Variants in KLKB1 observed in about 807,000 individuals in gnomAD.
The protein encoded by KLKB1 is kallikrein B1.
Under a neutral mutation model 73.6 loss-of-function variants are expected in KLKB1, and 58 were observed. That is an observed-to-expected ratio of 0.79 (90% CI 0.64 to 0.98). The LOEUF (loss-of-function observed/expected upper bound fraction) is 0.98. Ranked by LOEUF, KLKB1 falls within the 50% of genes least tolerant of loss-of-function variation. The pLI, the probability that KLKB1 is intolerant of heterozygous loss-of-function variation, is 0.00. For missense variants in KLKB1, 737 were observed against 763.8 expected (o/e 0.96, Z 0.41); for synonymous variants, 280 against 258.1 (o/e 1.08, Z -0.81).
At chr4:186,212,930 G>A (rs72647304) in intron 2 of KLKB1, 1 of 152,144 alleles carries the variant, frequency 6.6e-6, no homozygotes, top group Non-Finnish European at 1.5e-5. Context: ...CCATCAAATG[G>A]TTAATCTTAT....
In KLKB1 at chr4:186,218,651, T is replaced by TGTGCGC. The variant is rs1290427812; in HGVS notation, c.201+9380_201+9381insTGCGCG. 2.9e-4 allele frequency among the ~76,000 whole-genome samples: 43 copies of TGTGCGC among 150,854 alleles called. 1 individual carries two copies. Among genetic ancestry groups the TGTGCGC allele is most frequent in the South Asian group, 1.7e-3 (8 of 4,740 alleles). On this transcript the variant is annotated intron_variant, in intron 2 of 14. Coordinates refer to the KLKB1 transcript ENST00000511608. ...CATAGTGTGTGTGTGTGTGTGTGTG[T>TGTGCGC]GCGCATGTGTGTGTGCTGAGAACCC...
upstream of KLKB1, among the ~76,000 whole-genome samples, chr4:186,221,473 T>G (rs1737031355): frequency 6.6e-6 from 1 of 152,162 alleles, no homozygotes; most frequent in African/African-American, 2.4e-5. Flanking sequence ...TCCCATAAAT[T>G]TTCAATGCCA....
intron 6 of KLKB1, among the ~76,000 whole-genome samples, chr4:186,245,985 C>T (rs1738324759): frequency 6.6e-6 from 1 of 151,566 alleles, no homozygotes; most frequent in Non-Finnish European, 1.5e-5. Flanking sequence ...GAAAAAGAGC[C>T]TAAACGCTAA....
rs1207954946 is a variant in KLKB1 at position 186,238,365 on chromosome 4, G to T, written c.598G>T (p.Gly200Cys). ...SLKPCALSEI[G>C]CHMNIFQHLA... The stretch of plus-strand genomic sequence containing the variant: ...GAAGCCCTGTGCCCTTTCAGAAATT[G>T]GTAATTGTAGGACTACTTCACTTTG... The change falls in exon 6 of 15, where the codon GGT (glycine) becomes TGT (cysteine). Residue 200 changes from glycine to cysteine, a missense_variant and splice_region_variant. Gly to Cys is a radical substitution (Grantham distance 159, BLOSUM62 -3). Coordinates refer to ENST00000264690, the MANE Select transcript of KLKB1 (RefSeq NM_000892.5). 2.5e-6 allele frequency: 4 copies of T among 1,590,114 alleles called. No homozygotes were observed. In the South Asian group the frequency reaches 4.4e-5, roughly 18 times the overall value.
At chr4:186,235,173 G>T (rs796497944) in intron 4 of KLKB1, among the ~76,000 whole-genome samples, 4 of 152,252 alleles carry the variant, frequency 2.6e-5, no homozygotes, top group African/African-American at 9.6e-5. Flanking sequence ...TATTTTAAAA[G>T]ATCAATTTTT....
At chr4:186,228,133 A>G in intron 1 of KLKB1, 62 bp from the exon 2 acceptor site, 1 of 954,312 alleles carries the variant, frequency 1.0e-6, no homozygotes, top group Non-Finnish European at 1.7e-6. Flanking sequence ...ATCACCTTAA[A>G]TTAAGATTTA....
At chr4:186,234,846 G>C (rs1737573754) in intron 4 of KLKB1, among the ~76,000 whole-genome samples, 2 of 152,186 alleles carry the variant, frequency 1.3e-5, no homozygotes, top group Non-Finnish European at 2.9e-5. Context: ...TGATAAGAAA[G>C]TGAAAAGTGC....
At chr4:186,232,471 A>G (rs141821172) in intron 3 of KLKB1, among the ~76,000 whole-genome samples, 182 bp downstream of exon 3, 1 of 152,320 alleles carries the variant, frequency 6.6e-6, no homozygotes, top group African/African-American at 2.4e-5. Flanking sequence ...GATCTGCTGA[A>G]CCAAAGTTTC....
At chr4:186,257,155 C>G in intron 13 of KLKB1, 71 bp from the exon 14 acceptor site, 1 of 782,726 alleles carries the variant, frequency 1.3e-6, no homozygotes, top group Non-Finnish European at 1.9e-6. Context: ...ATAATATTCC[C>G]AATATTATTA....
intron 11 of KLKB1, 148 bp downstream of exon 11, chr4:186,252,333 C>A: frequency 1.2e-6 from 1 of 831,860 alleles, no homozygotes; most frequent in Non-Finnish European, 2.0e-6. Flanking sequence ...TTATAGGGTC[C>A]AAGCACTGAC....
At position 186,250,366 on chromosome 4, in the gene KLKB1, C is replaced by CG. The variant is rs766467085; in HGVS notation, c.722_723insG (p.Phe242IlefsTer18). 1 of 1,614,168 alleles carries CG rather than the reference C, an allele frequency of 6.2e-7. No individual in the cohort carries two copies. The highest frequency in any genetic ancestry group is 1.1e-5 in the South Asian group (1 of 91,078). On this transcript the variant is annotated frameshift_variant, in exon 7 of 15. Transcript: ENST00000264690. LOFTEE classifies it high-confidence loss of function. ...TATCACCCCAACTGCCTCTTCTTTA[C>CG]ATTCTATACAAATGTATGGAAAATC...
At chr4:186,212,014 C>T (rs1011247868) in intron 2 of KLKB1, 2 of 152,010 alleles carry the variant, frequency 1.3e-5, no homozygotes, top group Non-Finnish European at 2.9e-5. Context: ...CCTTTTGGAG[C>T]TAGAAGGACT....
intron 2 of KLKB1, chr4:186,210,890 G>A (rs1313716750): frequency 2.4e-6 from 1 of 417,916 alleles, no homozygotes; most frequent in Non-Finnish European, 4.4e-6. Flanking sequence ...CTGGAGGAGT[G>A]CAGTGGTGTG....
At chr4:186,245,421 G>T (rs544628855) in intron 6 of KLKB1, among the ~76,000 whole-genome samples, 12 of 152,320 alleles carry the variant, frequency 7.9e-5, no homozygotes, top group African/African-American at 2.9e-4. Flanking sequence ...AGAGAGCCTT[G>T]GGCCAGAGTT....
At chr4:186,255,537 A>G (rs577687447) in intron 12 of KLKB1, among the ~76,000 whole-genome samples, 49 of 152,220 alleles carry the variant, frequency 3.2e-4, no homozygotes, top group Non-Finnish European at 6.8e-4. Context: ...ACTGCACACA[A>G]ACAATTATGT....
chr4:186,245,951 T>A (rs1738323669), intron 6 of KLKB1, among the ~76,000 whole-genome samples: 1 of 151,724 alleles, frequency 6.6e-6, no homozygotes, highest in Non-Finnish European at 1.5e-5. Context: ...GGCCATGAAC[T>A]GGGCTGGGTT....
upstream of KLKB1, among the ~76,000 whole-genome samples, chr4:186,225,248 C>G (rs180835885): frequency 6.6e-6 from 1 of 150,410 alleles, no homozygotes; most frequent in East Asian, 1.9e-4. Context: ...ATATTATATT[C>G]TTGGTTGCCA....
chr4:186,244,287 A>G (rs1738210672), intron 6 of KLKB1, among the ~76,000 whole-genome samples: 1 of 152,156 alleles, frequency 6.6e-6, no homozygotes, highest in African/African-American at 2.4e-5. Flanking sequence ...CTTAGTATCC[A>G]AAGGCGGAAG....
In KLKB1 at chr4:186,232,121, T is replaced by A. The variant is rs767595392; in HGVS notation, c.59-6T>A. On this transcript the variant is annotated splice_region_variant and splice_polypyrimidine_tract_variant and intron_variant, in intron 2 of 14. Coordinates refer to ENST00000264690, the MANE Select transcript of KLKB1 (RefSeq NM_000892.5). Reference sequence around the variant, plus strand: ...TCGCAAATTAATTTTTATGGTTCTGTCACAGGATGTCTGACTCAACTCTAT... The same window carrying A: ...TCGCAAATTAATTTTTATGGTTCTGACACAGGATGTCTGACTCAACTCTAT... 6.2e-7 allele frequency: 1 copy of A among 1,601,112 alleles called. No individual in the cohort carries two copies. Among genetic ancestry groups the A allele is most frequent in the Non-Finnish European group, 8.5e-7 (1 of 1,172,978 alleles).
Sources: allele counts gnomAD v4.1 joint callset (sites outside exome capture counted in the v4.1 genomes callset), GRCh38; gene constraint gnomAD v4.1.1; transcripts MANE v1.5; gene names NCBI Gene and HGNC (gene_info 2026-07-23, HGNC 2026-07-21).